The following CPSF3 variants were observed in gnomAD, a reference collection of about 807,000 sequenced individuals.
CPSF3 encodes cleavage and polyadenylation specificity factor subunit 3.
In CPSF3, 57 loss-of-function variants were observed where a neutral mutation model predicts 84.1. The observed-to-expected ratio is 0.68, with a 90% CI of 0.55 to 0.85. The LOEUF (loss-of-function observed/expected upper bound fraction) is 0.85, where lower values mean the gene tolerates loss of function less well. Among genes scored for constraint, CPSF3 ranks in the 40% least tolerant of loss-of-function variants. CPSF3 has a pLI of 0.00. For synonymous variants in CPSF3, 275 were observed against 278.1 expected, an observed-to-expected ratio of 0.99 and a Z score of 0.11; for missense variants, 522 against 838.8, an observed-to-expected ratio of 0.62 and a Z score of 4.66.
In CPSF3 at chr2:9,443,595, T is replaced by C. The variant is rs765774353; in HGVS notation, c.1176T>C (p.Ser392=). 21 of 1,614,236 alleles carry C rather than the reference T, an allele frequency of 1.3e-5. No individual in the cohort carries two copies. Among genetic ancestry groups the C allele is most frequent in the Non-Finnish European group, 1.7e-5 (20 of 1,180,022 alleles). The change falls in exon 10 of 18, where the codon TCT becomes TCC. Residue 392 remains serine (S), a synonymous_variant. Transcript: ENST00000238112. Reference sequence around the variant, plus strand: ...TGAAAATGTCTGTTGATTACATTTCTTTCTCAGCTCACACGGATTACCAGC... The same window carrying C: ...TGAAAATGTCTGTTGATTACATTTCCTTCTCAGCTCACACGGATTACCAGC... ...LPLKMSVDYI[S]FSAHTDYQQT...
chr2:9,440,537 C>T lies in CPSF3; in HGVS notation c.807C>T (p.Tyr269=), dbSNP rs573001104. ...CAGAACTACATGACATTCCAATATA[C>T]TATGCATCATCTTTGGCCAAGAAGT... ...NHPELHDIPI[Y]YASSLAKKCM... is the part of the protein sequence containing the mutation. The change falls in exon 8 of 18, where the codon TAC becomes TAT. Residue 269 remains tyrosine (Y), a synonymous_variant. Transcript: ENST00000238112. 9.9e-6 allele frequency: 16 copies of T among 1,614,140 alleles called. No homozygotes were observed. The East Asian group carries it at 3.3e-4, about 34-fold the overall frequency.
chr2:9,447,961 T>G (rs568547122), intron 10 of CPSF3, among the ~76,000 whole-genome samples: 1 of 152,028 alleles, frequency 6.6e-6, no homozygotes, highest in South Asian at 2.1e-4. Flanking sequence ...AAGACTGGAG[T>G]AGAAAAGAAG....
intron 7 of CPSF3, among the ~76,000 whole-genome samples, chr2:9,440,141 A>C (rs1227011415): frequency 6.6e-6 from 1 of 152,176 alleles, no homozygotes; most frequent in Non-Finnish European, 1.5e-5. Context: ...TTTCTAGTAC[A>C]CTTTTCTAAT....
chr2:9,424,244 T>G (rs759426937), intron 1 of CPSF3: 32 of 991,968 alleles, frequency 3.2e-5, no homozygotes, highest in Non-Finnish European at 3.8e-5. Flanking sequence ...AGGGAAGAAT[T>G]AAGTCTGTTT....
intron 15 of CPSF3, among the ~76,000 whole-genome samples, chr2:9,460,776 G>A (rs1177762432): frequency 1.3e-5 from 2 of 151,048 alleles, no homozygotes; most frequent in African/African-American, 4.9e-5. Context: ...CCTCCTGAGT[G>A]GCTGAGACTA....
intron 15 of CPSF3, among the ~76,000 whole-genome samples, chr2:9,465,645 C>T (rs1681879373): frequency 6.6e-6 from 1 of 151,934 alleles, no homozygotes; most frequent in Non-Finnish European, 1.5e-5. Context: ...TGACTTCTTC[C>T]CATCCAAACT....
intron 13 of CPSF3, among the ~76,000 whole-genome samples, chr2:9,455,972 A>T (rs1165336614): frequency 2.0e-5 from 3 of 152,092 alleles, no homozygotes; most frequent in Non-Finnish European, 2.9e-5. Flanking sequence ...ATAAAAACTT[A>T]AAAAAAATTA....
At position 9,440,499 on chromosome 2, in the gene CPSF3, T is replaced by G; in HGVS notation, c.769T>G (p.Trp257Gly). 6.2e-7 allele frequency: 1 copy of G among 1,613,594 alleles called. No homozygotes were observed. The change falls in exon 8 of 18, where the codon TGG becomes GGG. Residue 257 changes from tryptophan (W) to glycine (G), a missense_variant. This residue lies in a region of CPSF3 where 329 missense variants were observed against 607.2 expected (regional missense o/e 0.54). Transcript: ENST00000238112. ...TTGCAAAATCTCTCTAGATGAGTACTGGCAGAATCACCCAGAACTACATGA... is the reference window on the plus strand; with the variant it reads ...TTGCAAAATCTCTCTAGATGAGTACGGGCAGAATCACCCAGAACTACATGA... ...QELLLILDEYWQNHPELHDIP... is the reference protein window; with the variant it reads ...QELLLILDEYGQNHPELHDIP...
intron 15 of CPSF3, among the ~76,000 whole-genome samples, chr2:9,462,111 A>G (rs1271520677): frequency 5.3e-5 from 8 of 152,132 alleles, no homozygotes; most frequent in Non-Finnish European, 1.0e-4. Flanking sequence ...GAAGTTAGGA[A>G]CGGTGACGTG....
Position 9,455,669 on chromosome 2 carries a change from C to G in CPSF3, c.1515C>G (p.Asp505Glu). The change falls in exon 13 of 18, where the codon GAC becomes GAG. Residue 505 changes from aspartate to glutamate, a missense_variant. By Grantham distance (45) the Asp-to-Glu change is conservative. This residue lies in a region of CPSF3 where 193 missense variants were observed against 231.6 expected (regional missense o/e 0.83). Coordinates refer to ENST00000238112, the MANE Select transcript of CPSF3 (RefSeq NM_016207.4). The part of the protein sequence containing the change: ...LSPCDLSNYT[D>E]LAMSTVKQTQ... ...TCATTTTCTCTTCAGATTATACTGA[C>G]CTGGCCATGAGCACGGTGAAGCAGA... The G allele has an allele frequency of 6.2e-7, 1 of 1,613,228 alleles. No individual in the cohort carries two copies. The highest frequency in any genetic ancestry group is 8.5e-7 in the Non-Finnish European group (1 of 1,179,240).
intron 14 of CPSF3, 88 bp downstream of exon 14, chr2:9,457,115 C>A: frequency 7.9e-6 from 5 of 635,110 alleles, no homozygotes; most frequent in East Asian, 3.1e-5. Flanking sequence ...TAGTTTCTTC[C>A]CAATTAGAAA....
intron 8 of CPSF3, among the ~76,000 whole-genome samples, chr2:9,441,532 T>C (rs1265993581): frequency 6.6e-6 from 1 of 152,230 alleles, no homozygotes. Context: ...GCCTGCCTGC[T>C]AGGCGCTGAA....
intron 6 of CPSF3, among the ~76,000 whole-genome samples, chr2:9,435,396 A>G (rs1376721593): frequency 6.6e-6 from 1 of 152,120 alleles, no homozygotes; most frequent in Non-Finnish European, 1.5e-5. Flanking sequence ...ATTTCATTTT[A>G]TAAAAAGTTC....
chr2:9,472,840 T>A (rs1357154946), intron 17 of CPSF3, 76 bp from the exon 18 acceptor site: 19 of 1,023,698 alleles, frequency 1.9e-5, no homozygotes, highest in Non-Finnish European at 2.7e-5. Flanking sequence ...ATGGTTTTTT[T>A]AAAGAGTATT....
chr2:9,438,119 A>G (rs2124821187), intron 7 of CPSF3, among the ~76,000 whole-genome samples: 1 of 152,390 alleles, frequency 6.6e-6, no homozygotes, highest in South Asian at 2.1e-4. Flanking sequence ...GAGGAGGAGA[A>G]AAAATAGTAT....
In CPSF3 at chr2:9,425,854, C is replaced by T. The variant is rs1038557376; in HGVS notation, c.50+2031C>T. On this transcript the variant is annotated intron_variant, in intron 1 of 17. Coordinates refer to ENST00000238112, the MANE Select transcript of CPSF3 (RefSeq NM_016207.4). Reference sequence around the variant, plus strand: ...TACAACCATCACCTCTCTCTAATTCCAGCACATTTTCATCACTCCCAAGAG... The same window carrying T: ...TACAACCATCACCTCTCTCTAATTCTAGCACATTTTCATCACTCCCAAGAG... Among the ~76,000 whole-genome samples, 10 of 152,146 alleles carry T rather than the reference C, an allele frequency of 6.6e-5. No homozygotes were observed. The South Asian group carries it at 1.9e-3, about 28-fold the overall frequency.
intron 7 of CPSF3, among the ~76,000 whole-genome samples, chr2:9,438,049 T>G (rs1433028386): frequency 6.6e-6 from 1 of 152,272 alleles, no homozygotes; most frequent in African/African-American, 2.4e-5. Flanking sequence ...GTGTCACCTC[T>G]GTGCGAAGCA....
At chr2:9,424,279 C>T in intron 1 of CPSF3, 3 of 984,554 alleles carry the variant, frequency 3.0e-6, no homozygotes, top group Non-Finnish European at 3.6e-6. Context: ...TTCACATGTG[C>T]CAGAAGTTAG....
intron 16 of CPSF3, chr2:9,467,983 G>A (rs762734836): frequency 1.4e-4 from 64 of 469,060 alleles, no homozygotes; most frequent in African/African-American, 2.4e-4. Flanking sequence ...TAGGTCAGCC[G>A]TTTGTGTTTC....
Sources: allele counts gnomAD v4.1 joint callset (sites outside exome capture counted in the v4.1 genomes callset), GRCh38; gene constraint gnomAD v4.1.1; regional missense constraint gnomAD v4.1.1; transcripts MANE v1.5; gene names NCBI Gene and HGNC (gene_info 2026-07-23, HGNC 2026-07-21).